CLSTN2: variants seen among roughly 807,000 people sequenced by gnomAD.
CLSTN2 encodes calsyntenin-2.
A neutral mutation model predicts 101.2 loss-of-function variants in CLSTN2; 48 were observed. The ratio of observed to expected loss-of-function variants is 0.47; its 90% confidence interval spans 0.38 to 0.60. The LOEUF is 0.60. Among genes scored for constraint, CLSTN2 ranks in the 20% least tolerant of loss-of-function variants. CLSTN2 has a pLI of 0.00. For synonymous variants in CLSTN2, 481 were observed against 463.6 expected, an observed-to-expected ratio of 1.04 and a Z score of -0.48; for missense variants, 1,160 against 1,238.2, an observed-to-expected ratio of 0.94 and a Z score of 0.95.
chr3:139,980,477 C>A (rs938084594), intron 1 of CLSTN2, among the ~76,000 whole-genome samples: 1 of 152,016 alleles, frequency 6.6e-6, no homozygotes, highest in African/African-American at 2.4e-5. Context: ...GAACTAATTT[C>A]TTGTCTCTTT....
At chr3:140,036,027 T>C (rs1331205317) in intron 1 of CLSTN2, among the ~76,000 whole-genome samples, 1 of 152,350 alleles carries the variant, frequency 6.6e-6, no homozygotes, top group East Asian at 1.9e-4. Flanking sequence ...CTCTTCTTTC[T>C]CTGCATGGCA....
At chr3:140,562,476 T>G (rs1243274303) in intron 13 of CLSTN2, among the ~76,000 whole-genome samples, 168 bp downstream of exon 13, 2 of 152,224 alleles carry the variant, frequency 1.3e-5, no homozygotes, top group African/African-American at 4.8e-5. Flanking sequence ...TTTGGCAAGT[T>G]ACTCCAGCAT....
intron 2 of CLSTN2, among the ~76,000 whole-genome samples, chr3:140,321,886 G>A (rs142004549): frequency 2.0e-3 from 300 of 152,328 alleles, no homozygotes; most frequent in South Asian, 0.01. Context: ...ACGCAGGCTC[G>A]TAGGAAAGGA....
intron 12 of CLSTN2, among the ~76,000 whole-genome samples, chr3:140,559,970 T>C (rs1197949459): frequency 3.3e-5 from 5 of 152,138 alleles, no homozygotes; most frequent in Admixed American, 1.3e-4. Context: ...CTGTTCTCAT[T>C]TGTGGCTAAA....
rs559289172 is a variant in CLSTN2 at position 139,961,240 on chromosome 3, C to T, written c.109+25757C>T. Among the ~76,000 whole-genome samples, 31 of 152,232 alleles carry T rather than the reference C, an allele frequency of 2.0e-4. No individual in the cohort carries two copies. In the South Asian group the frequency reaches 6.4e-3, roughly 32 times the overall value. ...GGTCCGAAGTATCACATCCCCCCAC[C>T]CCCAGGGCTATTGTTTTGTTGGAGT... On this transcript the variant is annotated intron_variant, in intron 1 of 16. Transcript: ENST00000458420.
intron 2 of CLSTN2, among the ~76,000 whole-genome samples, chr3:140,398,767 G>T (rs1485079403): frequency 6.6e-6 from 1 of 152,194 alleles, no homozygotes; most frequent in African/African-American, 2.4e-5. Context: ...TTACTTTGTT[G>T]TTCAAAAGTA....
In CLSTN2 at chr3:140,240,221, CAT is replaced by C. The variant is rs10576056; in HGVS notation, c.232+64159_232+64160del. On this transcript the variant is annotated intron_variant, in intron 2 of 16. Transcript: ENST00000458420. ...ATATACACACACACACACACACACA[CAT>C]ATATATATATGCATATATACACATA... Among the ~76,000 whole-genome samples the C allele has an allele frequency of 6.0e-4, 13 of 21,534 alleles. 1 individual carries two copies. The highest frequency in any genetic ancestry group is 1.5e-3 in the African/African-American group (12 of 8,216). The allele number at this position is 21,534 out of a possible 152,430, so 14.1% of individuals were successfully genotyped here.
At chr3:139,959,062 C>T (rs1296712011) in intron 1 of CLSTN2, among the ~76,000 whole-genome samples, 3 of 151,882 alleles carry the variant, frequency 2.0e-5, no homozygotes, top group Non-Finnish European at 4.4e-5. Flanking sequence ...CCAAAGTATT[C>T]CCCTGTGTCT....
At position 140,465,114 on chromosome 3, in the gene CLSTN2, A is replaced by G. The variant is rs75998886; in HGVS notation, c.1223-1496A>G. ...GGAAAGTCCAGACCAAACTGATATC[A>G]GATAACCAAAAAATCAAACTAATAC... On this transcript the variant is annotated intron_variant, in intron 7 of 16. Transcript: ENST00000458420. Among the ~76,000 whole-genome samples the G allele has an allele frequency of 7.7e-3, 1,167 of 152,352 alleles. 12 individuals carry two copies. Among genetic ancestry groups the G allele is most frequent in the African/African-American group, 0.026 (1,076 of 41,582 alleles).
chr3:140,421,511 C>T (rs188432805), intron 5 of CLSTN2, among the ~76,000 whole-genome samples: 16 of 152,270 alleles, frequency 1.1e-4, no homozygotes, highest in Non-Finnish European at 2.4e-4. Flanking sequence ...TCCAGTGCTC[C>T]CTTTCTCCAA....
At position 140,214,473 on chromosome 3, in the gene CLSTN2, A is replaced by T. The variant is rs539570407; in HGVS notation, c.232+38400A>T. Among the ~76,000 whole-genome samples, 6 of 151,764 alleles carry T rather than the reference A, an allele frequency of 4.0e-5. No individual in the cohort carries two copies. The East Asian group carries it at 1.2e-3, about 29-fold the overall frequency. Reference sequence around the variant, plus strand: ...TGTCTTAAAAAAAAAGAATAGGTCCACTTTGAAGGGGTTTTTAAAGTACCT... The same window carrying T: ...TGTCTTAAAAAAAAAGAATAGGTCCTCTTTGAAGGGGTTTTTAAAGTACCT... On this transcript the variant is annotated intron_variant, in intron 2 of 16. Transcript: ENST00000458420.
At chr3:140,207,961 A>G (rs760384304) in intron 2 of CLSTN2, among the ~76,000 whole-genome samples, 1 of 152,084 alleles carries the variant, frequency 6.6e-6, no homozygotes, top group African/African-American at 2.4e-5. Flanking sequence ...AATTATAGTA[A>G]TTATTGCTTC....
chr3:140,007,126 C>T (rs1017193800), intron 1 of CLSTN2, among the ~76,000 whole-genome samples: 5 of 152,042 alleles, frequency 3.3e-5, no homozygotes, highest in African/African-American at 9.7e-5. Context: ...GTTCCTTTTC[C>T]CTCTGTCACT....
intron 1 of CLSTN2, among the ~76,000 whole-genome samples, chr3:140,043,472 G>T (rs2007802956): frequency 6.6e-6 from 1 of 152,170 alleles, no homozygotes; most frequent in African/African-American, 2.4e-5. Flanking sequence ...CATTCTGTAG[G>T]TTGCCTGTTC....
chr3:140,176,247 C>T (rs757405558), intron 2 of CLSTN2, among the ~76,000 whole-genome samples, 174 bp downstream of exon 2: 2 of 152,120 alleles, frequency 1.3e-5, no homozygotes, highest in South Asian at 2.1e-4. Flanking sequence ...TTCTGGCTGT[C>T]CTTATGTTTT....
intron 2 of CLSTN2, among the ~76,000 whole-genome samples, chr3:140,244,236 G>T (rs2086495501): frequency 6.6e-6 from 1 of 152,216 alleles, no homozygotes; most frequent in Non-Finnish European, 1.5e-5. Flanking sequence ...GACTGATGTG[G>T]CAAGGAATGG....
At chr3:139,949,844 T>A (rs980345967) in intron 1 of CLSTN2, among the ~76,000 whole-genome samples, 1 of 152,222 alleles carries the variant, frequency 6.6e-6, no homozygotes, top group Non-Finnish European at 1.5e-5. Context: ...CAGCATTCCC[T>A]TAAACCCTAG....
At chr3:140,542,011 G>A (rs538583377) in intron 9 of CLSTN2, among the ~76,000 whole-genome samples, 108 of 152,052 alleles carry the variant, frequency 7.1e-4, no homozygotes, top group Non-Finnish European at 1.4e-3. Context: ...GAAACAACTA[G>A]GGAAAAATTA....
chr3:140,463,044 TA>T (rs1559876957), intron 7 of CLSTN2, among the ~76,000 whole-genome samples: 1 of 152,232 alleles, frequency 6.6e-6, no homozygotes, highest in Non-Finnish European at 1.5e-5. Context: ...GCCATGTGTC[TA>T]CCTTGAGGTC....
Sources: allele counts gnomAD v4.1 joint callset (sites outside exome capture counted in the v4.1 genomes callset), GRCh38; gene constraint gnomAD v4.1.1; transcripts MANE v1.5; gene names NCBI Gene and HGNC (gene_info 2026-07-23, HGNC 2026-07-21).